POU6F1: variants seen among roughly 807,000 people sequenced by gnomAD.
POU6F1 encodes POU domain, class 6, transcription factor 1.
A neutral mutation model predicts 28.9 loss-of-function variants in POU6F1; 9 were observed. The ratio of observed to expected loss-of-function variants is 0.31; its 90% CI spans 0.19 to 0.54. POU6F1 has a LOEUF of 0.54. Ranked by LOEUF, POU6F1 falls within the 20% of genes least tolerant of loss-of-function variation. POU6F1 has a pLI of 0.94. For missense variants in POU6F1, 338 were observed against 426.1 expected (o/e 0.79, Z 1.82); for synonymous variants, 173 against 171.1 (o/e 1.01, Z -0.09).
intron 8 of POU6F1, among the ~76,000 whole-genome samples, chr12:51,194,054 T>C (rs1204690917): frequency 6.6e-6 from 1 of 151,922 alleles, no homozygotes; most frequent in Admixed American, 6.6e-5. Flanking sequence ...TGAGACGGAG[T>C]CTCACTTTGT....
rs2137070202 is a variant in POU6F1, at chr12:51,187,076, G to A, written c.*3171C>T. On this transcript the variant is annotated 3_prime_UTR_variant, in exon 11 of 11. Coordinates refer to ENST00000333640, the MANE Select transcript of POU6F1 (RefSeq NM_001330422.2). ...GTGAGAACCTCAGTGCCAGAGCCTG[G>A]TCCAAGAGGCAGGAAGGAAATCTGG... is the stretch of plus-strand genomic sequence containing the variant. The A allele has an allele frequency of 6.6e-6, 1 of 152,292 alleles. No homozygotes were observed. The highest frequency in any genetic ancestry group is 2.1e-4 in the South Asian group (1 of 4,830). 9.4% of individuals were successfully genotyped at this position (152,292 alleles called of 1,614,324 possible).
intron 4 of POU6F1, 124 bp from the exon 5 acceptor site, chr12:51,198,899 A>G: frequency 2.5e-6 from 1 of 396,528 alleles, no homozygotes. Context: ...CGATGGGCCG[A>G]AGGCCACATG....
At chr12:51,212,606 C>T (rs1476570777) in intron 1 of POU6F1, among the ~76,000 whole-genome samples, 1 of 150,008 alleles carries the variant, frequency 6.7e-6, no homozygotes, top group Non-Finnish European at 1.5e-5. Context: ...CATGGAGAAA[C>T]CCCGTCTCTA....
intron 6 of POU6F1, 123 bp from the exon 7 acceptor site, chr12:51,197,050 CGGCTGG>C (rs1942875303): frequency 2.2e-5 from 13 of 596,748 alleles, no homozygotes; most frequent in Non-Finnish European, 3.3e-5. Context: ...CCATGTCTAC[CGGCTGG>C]ATGGTTTCCA....
chr12:51,205,450 G>A (rs939975970), intron 2 of POU6F1, among the ~76,000 whole-genome samples: 1 of 152,202 alleles, frequency 6.6e-6, no homozygotes, highest in Non-Finnish European at 1.5e-5. Context: ...GGCGGACCCT[G>A]AGCCTCCTCA....
chr12:51,199,162 CCG>C lies in POU6F1; in HGVS notation c.367-389_367-388del, dbSNP rs1253679302. On this transcript the variant is annotated intron_variant, in intron 4 of 10. Coordinates refer to ENST00000333640, the MANE Select transcript of POU6F1 (RefSeq NM_001330422.2). The surrounding 1 kb of genome is among the most constrained non-coding windows in gnomAD (Gnocchi z 4.1). ...CTGATGGAACCAAGTGGTCAAGGCC[CCG>C]CAGAGGCTAATGGAACCAAGTGGTC... is the stretch of plus-strand genomic sequence containing the variant. Among the ~76,000 whole-genome samples the C allele has an allele frequency of 2.5e-3, 1 of 398 alleles. No individual in the cohort carries two copies. The highest frequency in any genetic ancestry group is 0.028 in the Admixed American group (1 of 36). The allele number at this position is 398 out of a possible 152,430, so 0.3% of individuals were successfully genotyped here.
Position 51,187,070 on chromosome 12 carries a change from A to G in POU6F1, c.*3177T>C, listed in dbSNP as rs1942071836. Reference sequence around the variant, plus strand: ...GGAACAGTGAGAACCTCAGTGCCAGAGCCTGGTCCAAGAGGCAGGAAGGAA... The same window carrying G: ...GGAACAGTGAGAACCTCAGTGCCAGGGCCTGGTCCAAGAGGCAGGAAGGAA... On this transcript the variant is annotated 3_prime_UTR_variant, in exon 11 of 11. Transcript: ENST00000333640. The G allele has an allele frequency of 6.6e-6, 1 of 152,190 alleles. No homozygotes were observed. The highest frequency in any genetic ancestry group is 1.5e-5 in the Non-Finnish European group (1 of 68,048). 9.4% of individuals were successfully genotyped at this position (152,190 alleles called of 1,614,324 possible). A position where few individuals can be genotyped will look rare whatever the true frequency, so the allele number is the denominator to read the frequency against.
intron 1 of POU6F1, among the ~76,000 whole-genome samples, chr12:51,214,156 A>G (rs1473075942): frequency 1.3e-5 from 2 of 151,984 alleles, no homozygotes; most frequent in African/African-American, 4.8e-5. Flanking sequence ...AAATAAATAA[A>G]TAAAAATAAA....
chr12:51,206,739 AC>A (rs1350774951), intron 2 of POU6F1, 49 bp downstream of exon 2: 2 of 398,030 alleles, frequency 5.0e-6, no homozygotes, highest in Non-Finnish European at 8.9e-6. Context: ...TGTTGCCCAC[AC>A]CCCTCACTCC....
intron 8 of POU6F1, among the ~76,000 whole-genome samples, chr12:51,193,626 T>C (rs557963376): frequency 6.6e-6 from 1 of 152,290 alleles, no homozygotes; most frequent in African/African-American, 2.4e-5. Flanking sequence ...TTTTATGGAA[T>C]AATGCCTTTA....
chr12:51,188,311 C>T lies in POU6F1; in HGVS notation c.*1936G>A, dbSNP rs1180551632. On this transcript the variant is annotated 3_prime_UTR_variant, in exon 11 of 11. Coordinates refer to ENST00000333640, the MANE Select transcript of POU6F1 (RefSeq NM_001330422.2). ...CACTGAAAACTTGTTTGCAACACCC[C>T]TCCCAAATGAGTCTGTCATCTCATT... 6.6e-6 allele frequency: 1 copy of T among 152,206 alleles called. No homozygotes were observed. Among genetic ancestry groups the T allele is most frequent in the East Asian group, 1.9e-4 (1 of 5,200 alleles). The allele number at this position is 152,206 out of a possible 1,614,324, so 9.4% of individuals were successfully genotyped here.
chr12:51,194,847 TC>T (rs1942706860), intron 8 of POU6F1, among the ~76,000 whole-genome samples: 1 of 152,144 alleles, frequency 6.6e-6, no homozygotes, highest in Non-Finnish European at 1.5e-5. Flanking sequence ...ACCCTTATGA[TC>T]CCTGTTCACA....
intron 1 of POU6F1, 151 bp from the exon 2 acceptor site, chr12:51,207,034 C>A (rs1023305827): frequency 2.8e-5 from 10 of 363,536 alleles, no homozygotes; most frequent in African/African-American, 1.3e-4. Flanking sequence ...AAAAAGGATT[C>A]TTTTTTTTTG....
chr12:51,198,602 G>A lies in POU6F1; in HGVS notation c.540C>T (p.Thr180=), dbSNP rs143675379. ...ACACTCCCCCCGTAGGAGAAGCAGC[G>A]GTCAGTCCTGGGAGGGCAGCCACAG... The part of the protein sequence containing the change: ...TATVAALPGL[T]AASPTGGVFK... Residue 180 remains threonine, a synonymous_variant, in exon 5 of 11, where the codon ACC becomes ACT. Transcript: ENST00000333640. 182 of 399,274 alleles carry A rather than the reference G, an allele frequency of 4.6e-4. 1 individual carries two copies. Among genetic ancestry groups the A allele is most frequent in the African/African-American group, 2.7e-3 (130 of 48,746 alleles). The allele number at this position is 399,274 out of a possible 1,614,324, so 24.7% of individuals were successfully genotyped here. A position where few individuals can be genotyped will look rare whatever the true frequency, so the allele number is the denominator to read the frequency against.
Position 51,204,310 on chromosome 12 carries a change from T to G in POU6F1, c.107A>C (p.Gln36Pro), listed in dbSNP as rs1029430891. The change falls in exon 3 of 11, where the codon CAA becomes CCA. Residue 36 changes from glutamine (Q) to proline (P), a missense_variant. By Grantham distance (76) the Gln-to-Pro change is moderately conservative (BLOSUM62 -1). This residue lies in a region of POU6F1 where 206 missense variants were observed against 225.6 expected (regional missense o/e 0.91). Transcript: ENST00000333640. The stretch of plus-strand genomic sequence containing the variant: ...TTTGCTCTCTTCCTCAGCAGGGAGT[T>G]GGGCATCCACTCCGACTTCCAGCAC... ...IRVLEVGVDA[Q>P]LPAEEESKGL... 4.3e-5 allele frequency: 17 copies of G among 399,054 alleles called. No individual in the cohort carries two copies. The highest frequency in any genetic ancestry group is 6.6e-5 in the Non-Finnish European group (15 of 226,244). The allele number at this position is 399,054 out of a possible 1,614,324, so 24.7% of individuals were successfully genotyped here.
At chr12:51,208,390 C>G (rs1943767422) in intron 1 of POU6F1, among the ~76,000 whole-genome samples, 1 of 152,194 alleles carries the variant, frequency 6.6e-6, no homozygotes, top group Non-Finnish European at 1.5e-5. Context: ...ATTTCGAGTG[C>G]ATATTGTATG....
At chr12:51,196,705 G>A (rs1942851116) in intron 7 of POU6F1, 94 bp downstream of exon 7, 18 of 1,450,792 alleles carry the variant, frequency 1.2e-5, no homozygotes, top group Non-Finnish European at 1.5e-5. Flanking sequence ...ACGTCTGTTC[G>A]AGTTTCTATG....
intron 8 of POU6F1, 147 bp from the exon 9 acceptor site, chr12:51,192,618 G>T: frequency 9.3e-7 from 1 of 1,079,944 alleles, no homozygotes; most frequent in Non-Finnish European, 1.3e-6. Context: ...CATAAAACAA[G>T]ACTAGGCAGG....
intron 1 of POU6F1, among the ~76,000 whole-genome samples, chr12:51,212,744 C>A (rs1341468629): frequency 1.5e-5 from 2 of 132,258 alleles, no homozygotes; most frequent in Admixed American, 1.8e-4. Flanking sequence ...CCATTGCACT[C>A]CAGCCTGGGC....
Sources: allele counts gnomAD v4.1 joint callset (sites outside exome capture counted in the v4.1 genomes callset), GRCh38; gene constraint gnomAD v4.1.1; regional missense constraint gnomAD v4.1.1; non-coding constraint Gnocchi (gnomAD v3.1); transcripts MANE v1.5; gene names NCBI Gene and HGNC (gene_info 2026-07-23, HGNC 2026-07-21).